BMPR1A: variants seen among roughly 807,000 people sequenced by gnomAD.
The protein encoded by BMPR1A is bone morphogenetic protein receptor type 1A, also known as bone morphogenetic protein receptor type-1A.
Under a neutral mutation model 66.0 loss-of-function variants are expected in BMPR1A, and 7 were observed. The observed-to-expected ratio is 0.11, with a 90% CI of 0.06 to 0.20. BMPR1A has a LOEUF of 0.20. Among genes scored for constraint, BMPR1A ranks in the 10% least tolerant of loss-of-function variants. BMPR1A has a pLI of 1.00. For missense variants in BMPR1A, 408 were observed against 669.1 expected (o/e 0.61, Z 4.31); for synonymous variants, 200 against 229.7 (o/e 0.87, Z 1.17).
In BMPR1A at chr10:86,890,070, C is replaced by G; in HGVS notation, c.76C>G (p.Leu26Val). The change falls in exon 4 of 13, where the codon CTG becomes GTG. Residue 26 changes from leucine to valine, a missense_variant. This residue lies in a region of BMPR1A where 68 missense variants were observed against 83.0 expected (regional missense o/e 0.82). Transcript: ENST00000372037. ...TCCATATTTGAATGCAGGACAGAAT[C>G]TGGATAGTATGCTTCATGGCACTGG... Reference protein sequence around the residue: ...FIISRVQGQNLDSMLHGTGMK... With the variant: ...FIISRVQGQNVDSMLHGTGMK... The G allele has an allele frequency of 6.2e-7, 1 of 1,612,894 alleles. No homozygotes were observed. The highest frequency in any genetic ancestry group is 8.5e-7 in the Non-Finnish European group (1 of 1,179,960).
intron 1 of BMPR1A, among the ~76,000 whole-genome samples, chr10:86,824,675 A>C (rs2133033193): frequency 6.6e-6 from 1 of 152,096 alleles, no homozygotes; most frequent in East Asian, 1.9e-4. Flanking sequence ...TAACTTCTAG[A>C]ATTTTGTTAG....
intron 1 of BMPR1A, among the ~76,000 whole-genome samples, chr10:86,761,450 ATAT>A (rs762355674): frequency 1.2e-4 from 18 of 152,234 alleles, no homozygotes; most frequent in Non-Finnish European, 8.8e-5. Flanking sequence ...TAGGGATAAA[ATAT>A]TATAATCACA....
At chr10:86,764,500 A>G (rs1841132830) in intron 1 of BMPR1A, among the ~76,000 whole-genome samples, 1 of 152,242 alleles carries the variant, frequency 6.6e-6, no homozygotes, top group African/African-American at 2.4e-5. Context: ...GTACGTGTAT[A>G]TTTTAGCAAA....
chr10:86,799,510 CTT>C (rs1300428301), intron 1 of BMPR1A, among the ~76,000 whole-genome samples: 1 of 51,920 alleles, frequency 1.9e-5, no homozygotes, highest in African/African-American at 7.4e-5. Flanking sequence ...TCCTTCCTTT[CTT>C]TTCTTTTCTT....
intron 1 of BMPR1A, among the ~76,000 whole-genome samples, chr10:86,817,727 A>G (rs1842055070): frequency 6.6e-6 from 1 of 152,208 alleles, no homozygotes; most frequent in African/African-American, 2.4e-5. Flanking sequence ...AAATCTCCTG[A>G]CAGAAAAGAA....
chr10:86,763,947 C>A (rs111281995), intron 1 of BMPR1A, among the ~76,000 whole-genome samples: 6 of 152,056 alleles, frequency 3.9e-5, no homozygotes, highest in Admixed American at 3.3e-4. Flanking sequence ...CCCGCCACCA[C>A]GCCTAGCTAA....
chr10:86,922,697 G>A, intron 11 of BMPR1A, among the ~76,000 whole-genome samples: 1 of 152,220 alleles, frequency 6.6e-6, no homozygotes, highest in East Asian at 1.9e-4. Context: ...TCTCATTCGG[G>A]AAAGCTCCTT....
At chr10:86,838,753 T>A (rs1356403701) in intron 1 of BMPR1A, 112 bp from the exon 2 acceptor site, 4 of 152,350 alleles carry the variant, frequency 2.6e-5, no homozygotes, top group Admixed American at 2.6e-4. Flanking sequence ...TCATTGACTT[T>A]ACTTTGAAAA....
intron 2 of BMPR1A, among the ~76,000 whole-genome samples, chr10:86,856,746 C>A (rs889979863): frequency 3.9e-5 from 6 of 152,174 alleles, no homozygotes; most frequent in Non-Finnish European, 8.8e-5. Flanking sequence ...CAGTTCCCAA[C>A]GAGACTGCCC....
intron 1 of BMPR1A, among the ~76,000 whole-genome samples, chr10:86,777,179 C>A (rs1048225187): frequency 6.6e-6 from 1 of 152,170 alleles, no homozygotes; most frequent in Non-Finnish European, 1.5e-5. Flanking sequence ...CCCTCACTTG[C>A]TTCATTGCTT....
Position 86,924,847 on chromosome 10 carries a change from T to C in BMPR1A, c.*1128T>C. ...CCTTAAGAGAAGAAATGTTATAAAGTAGAACTAAATATAAATTTTCAGAAT... is the reference window on the plus strand; with the variant it reads ...CCTTAAGAGAAGAAATGTTATAAAGCAGAACTAAATATAAATTTTCAGAAT... On this transcript the variant is annotated 3_prime_UTR_variant, in exon 13 of 13. Transcript: ENST00000372037. The C allele has an allele frequency of 4.3e-6, 1 of 232,512 alleles. No homozygotes were observed. The highest frequency in any genetic ancestry group is 8.5e-6 in the Non-Finnish European group (1 of 117,634). 14.4% of individuals were successfully genotyped at this position (232,512 alleles called of 1,614,324 possible).
At chr10:86,860,928 A>C (rs1480612386) in intron 2 of BMPR1A, among the ~76,000 whole-genome samples, 2 of 134,914 alleles carry the variant, frequency 1.5e-5, no homozygotes, top group East Asian at 2.2e-4. Flanking sequence ...TGCAAGCTCC[A>C]CCTCCCGGGT....
chr10:86,880,424 A>G (rs1355317647), intron 3 of BMPR1A, among the ~76,000 whole-genome samples: 6 of 152,160 alleles, frequency 3.9e-5, no homozygotes, highest in African/African-American at 1.4e-4. Context: ...AATAGTACCA[A>G]ATGTCAGTAT....
chr10:86,772,316 G>C (rs1441720595), intron 1 of BMPR1A, among the ~76,000 whole-genome samples: 1 of 151,780 alleles, frequency 6.6e-6, no homozygotes, highest in Non-Finnish European at 1.5e-5. Flanking sequence ...ATTTTTAGTA[G>C]AGACGGGGTT....
At chr10:86,816,762 T>TA (rs1163314305) in intron 1 of BMPR1A, among the ~76,000 whole-genome samples, 2 of 152,188 alleles carry the variant, frequency 1.3e-5, no homozygotes, top group African/African-American at 4.8e-5. Context: ...AAGCAGGAGT[T>TA]ACCCTGCAGT....
In BMPR1A at chr10:86,906,486, G is replaced by A. The variant is rs1411757551; in HGVS notation, c.531-5754G>A. 1.5e-4 allele frequency among the ~76,000 whole-genome samples: 6 copies of A among 40,154 alleles called. 3 individuals carry two copies. The highest frequency in any genetic ancestry group is 1.4e-3 in the African/African-American group (4 of 2,782). The allele number at this position is 40,154 out of a possible 152,430, so 26.3% of individuals were successfully genotyped here. A position where few individuals can be genotyped will look rare whatever the true frequency, so the allele number is the denominator to read the frequency against. Reference sequence around the variant, plus strand: ...TGTAATCCCAGCACTTTGGGAGGCCGAGGCGGGCGGATCACGAGGCCAGGA... The same window carrying A: ...TGTAATCCCAGCACTTTGGGAGGCCAAGGCGGGCGGATCACGAGGCCAGGA... On this transcript the variant is annotated intron_variant, in intron 7 of 12. Transcript: ENST00000372037.
At chr10:86,773,029 G>A (rs951931992) in intron 1 of BMPR1A, among the ~76,000 whole-genome samples, 8 of 151,920 alleles carry the variant, frequency 5.3e-5, no homozygotes, top group Non-Finnish European at 7.4e-5. Flanking sequence ...CATCCTGAGC[G>A]TCTGAACCTG....
chr10:86,811,696 G>T (rs1841973384), intron 1 of BMPR1A, among the ~76,000 whole-genome samples: 1 of 152,156 alleles, frequency 6.6e-6, no homozygotes, highest in South Asian at 2.1e-4. Flanking sequence ...ATGTGTGGTT[G>T]TGTCTCTGTG....
At chr10:86,782,789 C>G (rs1450226073) in intron 1 of BMPR1A, among the ~76,000 whole-genome samples, 1 of 151,800 alleles carries the variant, frequency 6.6e-6, no homozygotes, top group African/African-American at 2.4e-5. Context: ...AATATTTTCT[C>G]TCATTCTGTA....
Sources: allele counts gnomAD v4.1 joint callset (sites outside exome capture counted in the v4.1 genomes callset), GRCh38; gene constraint gnomAD v4.1.1; regional missense constraint gnomAD v4.1.1; transcripts MANE v1.5; gene names NCBI Gene and HGNC (gene_info 2026-07-23, HGNC 2026-07-21).